Variants in ANKRD30BL observed in about 807,000 individuals in gnomAD.
ANKRD30BL encodes ankyrin repeat domain 30B like.
In ANKRD30BL, 20 loss-of-function variants were observed where a neutral mutation model predicts 18.4. The observed-to-expected ratio is 1.09, with a 90% CI of 0.77 to 1.58. ANKRD30BL has a LOEUF of 1.58. Ranked by LOEUF, ANKRD30BL falls within the 40% of genes most tolerant of loss-of-function variation. The pLI is 0.00. For synonymous variants in ANKRD30BL, 72 were observed against 100.9 expected, an observed-to-expected ratio of 0.71 and a Z score of 1.72; for missense variants, 224 against 268.6, an observed-to-expected ratio of 0.83 and a Z score of 1.16.
intron 3 of ANKRD30BL, 140 bp from the exon 4 acceptor site, chr2:132,154,908 T>G: frequency 1.9e-6 from 1 of 513,686 alleles, no homozygotes; most frequent in Non-Finnish European, 3.5e-6. Flanking sequence ...TTTTCTGTGC[T>G]TTCCCATGCA....
At chr2:132,199,227 G>C (rs1485257067) in intron 1 of ANKRD30BL, among the ~76,000 whole-genome samples, 1 of 151,988 alleles carries the variant, frequency 6.6e-6, no homozygotes, top group Non-Finnish European at 1.5e-5. Context: ...TGGCTTGGTG[G>C]TGTATGCCTG....
At chr2:132,167,783 T>G (rs1688214249) in intron 1 of ANKRD30BL, among the ~76,000 whole-genome samples, 1 of 152,202 alleles carries the variant, frequency 6.6e-6, no homozygotes, top group Non-Finnish European at 1.5e-5. Flanking sequence ...TTAGAATCGA[T>G]TATATATATT....
At chr2:132,180,873 C>A (rs1392485651) in intron 1 of ANKRD30BL, among the ~76,000 whole-genome samples, 1 of 152,184 alleles carries the variant, frequency 6.6e-6, no homozygotes, top group East Asian at 1.9e-4. Flanking sequence ...ATAGTCCAGG[C>A]GAGGTGGCTT....
At chr2:132,234,633 A>T (rs114611013) in intron 1 of ANKRD30BL, among the ~76,000 whole-genome samples, 1 of 151,976 alleles carries the variant, frequency 6.6e-6, no homozygotes, top group African/African-American at 2.4e-5. Flanking sequence ...CAAGACTAAA[A>T]CAGGAAGGAG....
intron 1 of ANKRD30BL, among the ~76,000 whole-genome samples, chr2:132,215,264 T>C (rs1198874505): frequency 1.3e-5 from 2 of 152,268 alleles, no homozygotes; most frequent in Non-Finnish European, 2.9e-5. Context: ...ACATTTCTTT[T>C]GATTGAGCAG....
chr2:132,164,021 A>G (rs1311552935), upstream of ANKRD30BL, among the ~76,000 whole-genome samples: 1 of 152,168 alleles, frequency 6.6e-6, no homozygotes, highest in Admixed American at 6.5e-5. Flanking sequence ...CTTTTATCAC[A>G]TGATCATTCC....
chr2:132,221,192 G>A (rs1482062385), intron 1 of ANKRD30BL, among the ~76,000 whole-genome samples: 2 of 131,198 alleles, frequency 1.5e-5, no homozygotes, highest in African/African-American at 7.0e-5. Context: ...GAGGGAGGTG[G>A]GGGGGGGTCA....
At chr2:132,212,183 T>C (rs1007287452) in intron 1 of ANKRD30BL, among the ~76,000 whole-genome samples, 8 of 151,906 alleles carry the variant, frequency 5.3e-5, no homozygotes, top group African/African-American at 1.7e-4. Flanking sequence ...CTTTCAAATA[T>C]TCTTTTTGCA....
intron 1 of ANKRD30BL, among the ~76,000 whole-genome samples, chr2:132,211,838 C>T (rs1573847186): frequency 6.6e-6 from 1 of 151,756 alleles, no homozygotes; most frequent in Non-Finnish European, 1.5e-5. Context: ...AGTTTTGAAA[C>T]ACTCTTTTTG....
intron 1 of ANKRD30BL, among the ~76,000 whole-genome samples, chr2:132,204,829 T>C (rs894921851): frequency 2.6e-5 from 4 of 152,158 alleles, no homozygotes; most frequent in Admixed American, 6.6e-5. Flanking sequence ...AAATATAAAA[T>C]GTGTTTATGG....
intron 1 of ANKRD30BL, among the ~76,000 whole-genome samples, chr2:132,217,659 T>C (rs1259841077): frequency 1.3e-5 from 2 of 152,274 alleles, no homozygotes. Flanking sequence ...GATGTGTACA[T>C]TCATGTCACA....
At chr2:132,209,333 G>C (rs1166880386) in intron 1 of ANKRD30BL, among the ~76,000 whole-genome samples, 1 of 135,336 alleles carries the variant, frequency 7.4e-6, no homozygotes, top group Admixed American at 7.4e-5. Context: ...CTAGAGGAAA[G>C]GGAAATATCT....
At chr2:132,198,397 C>T (rs1679019974) in intron 1 of ANKRD30BL, among the ~76,000 whole-genome samples, 1 of 143,652 alleles carries the variant, frequency 7.0e-6, no homozygotes, top group South Asian at 2.3e-4. Flanking sequence ...GATCTCGGCT[C>T]ACTGCAAGCT....
intron 1 of ANKRD30BL, chr2:132,253,139 AT>A: frequency 2.0e-5 from 4 of 202,770 alleles, no homozygotes; most frequent in East Asian, 1.7e-4. Flanking sequence ...ACCCTGGGGG[AT>A]TTTGATTGGC....
chr2:132,198,311 TCTTTCTTTCTTTC>T (rs1558928546), intron 1 of ANKRD30BL, among the ~76,000 whole-genome samples: 2,818 of 18,710 alleles, frequency 0.15, 126 homozygotes, highest in Non-Finnish European at 0.2. Flanking sequence ...TTTCTTTCTT[TCTTTCTTTCTTTC>T]TTTTTTTTTT....
intron 1 of ANKRD30BL, among the ~76,000 whole-genome samples, chr2:132,228,986 T>C (rs1679926723): frequency 1.3e-5 from 2 of 152,110 alleles, no homozygotes; most frequent in Non-Finnish European, 2.9e-5. Flanking sequence ...ATCTTTGTGA[T>C]GTGTGCATTC....
At chr2:132,151,567 C>T (rs936267959) in intron 4 of ANKRD30BL, among the ~76,000 whole-genome samples, 1 of 151,350 alleles carries the variant, frequency 6.6e-6, no homozygotes, top group Non-Finnish European at 1.5e-5. Flanking sequence ...AAGTTCAAGA[C>T]CAGCCTGGGC....
chr2:132,194,099 C>T (rs1365965486), intron 1 of ANKRD30BL, among the ~76,000 whole-genome samples: 2 of 152,046 alleles, frequency 1.3e-5, no homozygotes, highest in Non-Finnish European at 2.9e-5. Context: ...ACACTCCCCA[C>T]TCCGATACTC....
At chr2:132,214,282 G>T (rs1334764507) in intron 1 of ANKRD30BL, among the ~76,000 whole-genome samples, 1 of 148,790 alleles carries the variant, frequency 6.7e-6, no homozygotes, top group African/African-American at 2.5e-5. Flanking sequence ...GAATCGGCAA[G>T]TGGATATTTA....
Sources: allele counts gnomAD v4.1 joint callset (sites outside exome capture counted in the v4.1 genomes callset), GRCh38; gene constraint gnomAD v4.1.1; transcripts MANE v1.5; gene names NCBI Gene and HGNC (gene_info 2026-07-23, HGNC 2026-07-21).